The following FAM171A1 variants were observed in gnomAD, a reference collection of about 807,000 sequenced individuals.
FAM171A1 encodes the protein family with sequence similarity 171 member A1.
In FAM171A1, 23 loss-of-function variants were observed where a neutral mutation model predicts 74.9. The ratio of observed to expected loss-of-function variants is 0.31; its 90% CI spans 0.22 to 0.44. The LOEUF is 0.44. FAM171A1 is among the 20% of genes least tolerant of loss of function. FAM171A1 has a pLI of 1.00. For missense variants in FAM171A1, 1,162 were observed against 1,159.2 expected (o/e 1.00, Z -0.03); for synonymous variants, 527 against 505.7 (o/e 1.04, Z -0.57).
In FAM171A1 at chr10:15,249,957, T is replaced by C. The variant is rs1834487013; in HGVS notation, c.578-1142A>G. Among the ~76,000 whole-genome samples, 3 of 152,306 alleles carry C rather than the reference T, an allele frequency of 2.0e-5. No individual in the cohort carries two copies. The South Asian group carries it at 6.2e-4, about 32-fold the overall frequency. Reference sequence around the variant, plus strand: ...ATGACAAAAACACAGCGATAAAAAATTTAAGCTGCATTAAAATACAATCTA... The same window carrying C: ...ATGACAAAAACACAGCGATAAAAAACTTAAGCTGCATTAAAATACAATCTA... On this transcript the variant is annotated intron_variant, in intron 4 of 7. Coordinates refer to ENST00000378116, the MANE Select transcript of FAM171A1 (RefSeq NM_001010924.2).
intron 1 of FAM171A1, among the ~76,000 whole-genome samples, chr10:15,312,701 T>G (rs1246221042): frequency 3.4e-5 from 3 of 88,094 alleles, no homozygotes; most frequent in East Asian, 2.6e-4. Context: ...TTTTTTTTTT[T>G]TTTTTTTTTT....
intron 1 of FAM171A1, among the ~76,000 whole-genome samples, chr10:15,369,799 A>G (rs1836112493): frequency 6.6e-6 from 1 of 152,234 alleles, no homozygotes; most frequent in African/African-American, 2.4e-5. Flanking sequence ...CCTCGGATGC[A>G]GCACTCCTCG....
chr10:15,273,454 A>G (rs1239897964), intron 3 of FAM171A1, among the ~76,000 whole-genome samples: 2 of 152,378 alleles, frequency 1.3e-5, no homozygotes, highest in East Asian at 3.9e-4. Context: ...GACGAATTCT[A>G]CAAGAGCTAC....
intron 6 of FAM171A1, among the ~76,000 whole-genome samples, chr10:15,217,579 T>C (rs1291695920): frequency 6.6e-6 from 1 of 152,128 alleles, no homozygotes; most frequent in East Asian, 1.9e-4. Flanking sequence ...GGGGTTAAAG[T>C]TTACAAAAAT....
rs148462218 is a variant in FAM171A1 at position 15,282,863 on chromosome 10, G to C, written c.325+1015C>G. Among the ~76,000 whole-genome samples, 145 of 152,008 alleles carry C rather than the reference G, an allele frequency of 9.5e-4. 1 individual carries two copies. The highest frequency in any genetic ancestry group is 9.5e-3 in the East Asian group (49 of 5,156). ...TGTCCTGTTGTGTGGGCTCTCCTGGGGTCCTGTCTCAGGCCCACTGTCCTC... is the reference window on the plus strand; with the variant it reads ...TGTCCTGTTGTGTGGGCTCTCCTGGCGTCCTGTCTCAGGCCCACTGTCCTC... On this transcript the variant is annotated intron_variant, in intron 2 of 7. Coordinates refer to ENST00000378116, the MANE Select transcript of FAM171A1 (RefSeq NM_001010924.2).
At chr10:15,371,706 G>C (rs114862405), upstream of FAM171A1, among the ~76,000 whole-genome samples, 154 of 152,354 alleles carry the variant, frequency 1.0e-3, no homozygotes, top group African/African-American at 3.6e-3. Flanking sequence ...GCTTCAGGAG[G>C]AATGGTACTT....
rs114960574 is a variant in FAM171A1, at chr10:15,344,079, G to A, written c.97+26877C>T. ...CATCTCTGCAACTGTATGACTTTGT[G>A]ACAATTAGTGTCAGACCTTCATCTT... is the stretch of plus-strand genomic sequence containing the variant. On this transcript the variant is annotated intron_variant, in intron 1 of 7. Transcript: ENST00000378116. Among the ~76,000 whole-genome samples the A allele has an allele frequency of 4.9e-3, 745 of 152,322 alleles. 5 individuals are homozygous for A. The highest frequency in any genetic ancestry group is 0.017 in the African/African-American group (696 of 41,568).
intron 5 of FAM171A1, among the ~76,000 whole-genome samples, chr10:15,230,705 A>G (rs1412157628): frequency 2.0e-5 from 3 of 152,222 alleles, no homozygotes; most frequent in Non-Finnish European, 4.4e-5. Flanking sequence ...GTTTTAGGAA[A>G]GAAGCAGTTA....
chr10:15,254,623 C>T, intron 4 of FAM171A1, 98 bp downstream of exon 4: 5 of 1,354,344 alleles, frequency 3.7e-6, no homozygotes, highest in Non-Finnish European at 5.1e-6. Flanking sequence ...CAGTGCCTTT[C>T]TCCCACATAG....
intron 5 of FAM171A1, among the ~76,000 whole-genome samples, chr10:15,247,503 G>A (rs1424140726): frequency 1.3e-5 from 2 of 152,080 alleles, no homozygotes; most frequent in Non-Finnish European, 2.9e-5. Context: ...CAGATAGCCA[G>A]CCCCAAGTGA....
intron 3 of FAM171A1, among the ~76,000 whole-genome samples, chr10:15,263,852 T>C (rs543384907): frequency 0.22 from 195 of 904 alleles, 1 homozygote; most frequent in Middle Eastern, 0.5. Flanking sequence ...TTATCTCATC[T>C]ATCTATCTAT....
chr10:15,315,695 A>G (rs1835413943), intron 1 of FAM171A1, among the ~76,000 whole-genome samples: 1 of 152,180 alleles, frequency 6.6e-6, no homozygotes, highest in Non-Finnish European at 1.5e-5. Flanking sequence ...CATGCTAGAA[A>G]GCCATCGCCT....
In FAM171A1 at chr10:15,352,832, C is replaced by T. The variant is rs117362038; in HGVS notation, c.97+18124G>A. Among the ~76,000 whole-genome samples, 862 of 152,338 alleles carry T rather than the reference C, an allele frequency of 5.7e-3. 4 individuals carry two copies. The highest frequency in any genetic ancestry group is 0.031 in the Middle Eastern group (9 of 294). ...CTAAAAGGCTCACTCTTGGAGTTTACTTTCACCATGTAATCTTTAGGTTTA... is the reference window on the plus strand; with the variant it reads ...CTAAAAGGCTCACTCTTGGAGTTTATTTTCACCATGTAATCTTTAGGTTTA... On this transcript the variant is annotated intron_variant, in intron 1 of 7. Transcript: ENST00000378116.
intron 1 of FAM171A1, among the ~76,000 whole-genome samples, chr10:15,305,917 C>T (rs938529368): frequency 9.2e-5 from 14 of 152,128 alleles, no homozygotes; most frequent in African/African-American, 2.4e-4. Flanking sequence ...GGAAGACTAA[C>T]GCCAAACTTC....
chr10:15,233,877 G>C (rs1321424860), intron 5 of FAM171A1, among the ~76,000 whole-genome samples: 1 of 146,182 alleles, frequency 6.8e-6, no homozygotes, highest in Non-Finnish European at 1.5e-5. Context: ...ACTCCAGCCT[G>C]GTGACAGAGC....
chr10:15,315,045 T>A (rs1314442542), intron 1 of FAM171A1, among the ~76,000 whole-genome samples: 1 of 152,226 alleles, frequency 6.6e-6, no homozygotes, highest in African/African-American at 2.4e-5. Context: ...CTTTTTATTA[T>A]TTTTTAAAAC....
At chr10:15,351,381 G>A (rs1309855668) in intron 1 of FAM171A1, among the ~76,000 whole-genome samples, 1 of 152,152 alleles carries the variant, frequency 6.6e-6, no homozygotes, top group Non-Finnish European at 1.5e-5. Flanking sequence ...CCTCCACGCT[G>A]CAGCAGCCAA....
At chr10:15,310,156 G>A (rs554904350) in intron 1 of FAM171A1, among the ~76,000 whole-genome samples, 2 of 152,174 alleles carry the variant, frequency 1.3e-5, no homozygotes, top group Non-Finnish European at 1.5e-5. Flanking sequence ...ATGCCTGTGT[G>A]GGGGCAGGTG....
At chr10:15,275,796 T>C (rs1834885260) in intron 3 of FAM171A1, 59 bp downstream of exon 3, 1 of 1,128,880 alleles carries the variant, frequency 8.9e-7, no homozygotes, top group African/African-American at 1.6e-5. Context: ...ACCATAAATG[T>C]ATACAATAAT....
Sources: allele counts gnomAD v4.1 joint callset (sites outside exome capture counted in the v4.1 genomes callset), GRCh38; gene constraint gnomAD v4.1.1; transcripts MANE v1.5; gene names NCBI Gene and HGNC (gene_info 2026-07-23, HGNC 2026-07-21).